The following ARHGAP26 variants were observed in gnomAD, a reference collection of about 807,000 sequenced individuals.
The protein encoded by ARHGAP26 is rho GTPase-activating protein 26.
A neutral mutation model predicts 104.8 loss-of-function variants in ARHGAP26; 38 were observed. The ratio of observed to expected loss-of-function variants is 0.36; its 90% CI spans 0.28 to 0.48. The LOEUF is 0.48. Ranked by LOEUF, ARHGAP26 falls within the 20% of genes least tolerant of loss-of-function variation. ARHGAP26 has a pLI of 0.99. For missense variants in ARHGAP26, 704 were observed against 947.9 expected (o/e 0.74, Z 3.38); for synonymous variants, 341 against 340.0 (o/e 1.00, Z -0.03).
chr5:142,987,682 T>A (rs1442994249), intron 11 of ARHGAP26, among the ~76,000 whole-genome samples: 3 of 152,280 alleles, frequency 2.0e-5, no homozygotes, highest in South Asian at 4.2e-4. Context: ...CAATACCTAG[T>A]TTATTGAGAG....
At chr5:143,003,463 C>G (rs1490011329) in intron 11 of ARHGAP26, among the ~76,000 whole-genome samples, 1 of 152,188 alleles carries the variant, frequency 6.6e-6, no homozygotes, top group African/African-American at 2.4e-5. Flanking sequence ...GGAATAATTT[C>G]TTGGACACTG....
At position 143,043,673 on chromosome 5, in the gene ARHGAP26, A is replaced by G. The variant is rs547257481; in HGVS notation, c.1285+1783A>G. 5.2e-4 allele frequency among the ~76,000 whole-genome samples: 79 copies of G among 152,344 alleles called. 1 individual carries two copies. Among genetic ancestry groups the G allele is most frequent in the African/African-American group, 1.8e-3 (74 of 41,582 alleles). On this transcript the variant is annotated intron_variant, in intron 14 of 22. Transcript: ENST00000645722. ...AATCCTTAGTTTTTCATTTCTGACC[A>G]GAGCTGCAAACATTTGTGGGGTGTC... is the stretch of plus-strand genomic sequence containing the variant.
At chr5:142,968,036 C>A (rs371190222) in intron 11 of ARHGAP26, among the ~76,000 whole-genome samples, 1 of 152,104 alleles carries the variant, frequency 6.6e-6, no homozygotes, top group Admixed American at 6.6e-5. Context: ...GTAACAGATC[C>A]GGAGCAGCTT....
chr5:142,985,523 T>A (rs6888136), intron 11 of ARHGAP26, among the ~76,000 whole-genome samples: 15,332 of 152,098 alleles, frequency 0.1, 1,329 homozygotes, highest in African/African-American at 0.23. Flanking sequence ...TTTTTTTTTT[T>A]AATTTAAGTT....
chr5:142,889,942 C>T (rs1226339850), intron 5 of ARHGAP26, among the ~76,000 whole-genome samples: 1 of 130,000 alleles, frequency 7.7e-6, no homozygotes, highest in Non-Finnish European at 1.5e-5. Context: ...CGAGACCAGC[C>T]TGACCAACGT....
intron 1 of ARHGAP26, among the ~76,000 whole-genome samples, chr5:142,866,366 G>A (rs1418474730): frequency 2.0e-5 from 3 of 152,106 alleles, no homozygotes; most frequent in Non-Finnish European, 1.5e-5. Flanking sequence ...ATGATCTTGG[G>A]CACGTTATTT....
intron 14 of ARHGAP26, among the ~76,000 whole-genome samples, chr5:143,050,979 A>C (rs1344079327): frequency 3.9e-5 from 6 of 152,172 alleles, no homozygotes; most frequent in African/African-American, 1.4e-4. Context: ...TTTGGATCTC[A>C]AAACAGAAGG....
chr5:143,204,687 C>T (rs1478893127), intron 20 of ARHGAP26, among the ~76,000 whole-genome samples: 1 of 152,094 alleles, frequency 6.6e-6, no homozygotes, highest in African/African-American at 2.4e-5. Context: ...ATGTGAAAAA[C>T]ATTTAGAACC....
At chr5:142,989,797 C>T (rs781118264) in intron 11 of ARHGAP26, among the ~76,000 whole-genome samples, 4 of 152,170 alleles carry the variant, frequency 2.6e-5, no homozygotes, top group Non-Finnish European at 5.9e-5. Flanking sequence ...ACTCTTCTGA[C>T]TTGTAGAGTT....
rs1811528357 is a variant in ARHGAP26 at position 143,224,809 on chromosome 5, G to C, written c.*2363G>C. 4.4e-6 allele frequency: 1 copy of C among 227,798 alleles called. No individual in the cohort carries two copies. Among genetic ancestry groups the C allele is most frequent in the Admixed American group, 5.7e-5 (1 of 17,586 alleles). The allele number at this position is 227,798 out of a possible 1,614,324, so 14.1% of individuals were successfully genotyped here. ...CCAAAAGAAGAGGAAGACTCCAGGAGGGGTATAGATTGTGCCGTCATAGCT... is the reference window on the plus strand; with the variant it reads ...CCAAAAGAAGAGGAAGACTCCAGGACGGGTATAGATTGTGCCGTCATAGCT... On this transcript the variant is annotated 3_prime_UTR_variant, in exon 23 of 23. Transcript: ENST00000645722.
chr5:143,185,897 C>G (rs944270251), intron 20 of ARHGAP26, among the ~76,000 whole-genome samples: 5 of 152,194 alleles, frequency 3.3e-5, no homozygotes, highest in African/African-American at 9.7e-5. Context: ...CCTTGCATCC[C>G]CGGTGGGAAG....
At chr5:142,803,478 T>A (rs978596252) in intron 1 of ARHGAP26, among the ~76,000 whole-genome samples, 10 of 152,226 alleles carry the variant, frequency 6.6e-5, no homozygotes, top group African/African-American at 2.2e-4. Flanking sequence ...TTGTTGTTGC[T>A]AATAGAAACC....
At chr5:143,151,857 G>A (rs1799883820) in intron 20 of ARHGAP26, among the ~76,000 whole-genome samples, 1 of 152,178 alleles carries the variant, frequency 6.6e-6, no homozygotes, top group Non-Finnish European at 1.5e-5. Context: ...TCAGGAGGCT[G>A]AGGCAGGAGA....
At chr5:142,894,107 T>G in intron 5 of ARHGAP26, 131 bp from the exon 6 acceptor site, 1 of 637,242 alleles carries the variant, frequency 1.6e-6, no homozygotes, top group Non-Finnish European at 2.8e-6. Flanking sequence ...ATAGTTATTC[T>G]TCTTCTGTGT....
At chr5:143,193,905 G>A (rs901796273) in intron 20 of ARHGAP26, 3 of 152,180 alleles carry the variant, frequency 2.0e-5, no homozygotes, top group African/African-American at 7.2e-5. Flanking sequence ...ACTATCCACG[G>A]TTTCAGGCAT....
chr5:142,956,450 G>A (rs1769252456), intron 11 of ARHGAP26, among the ~76,000 whole-genome samples: 1 of 152,054 alleles, frequency 6.6e-6, no homozygotes, highest in Non-Finnish European at 1.5e-5. Context: ...GGTGGTCCAT[G>A]CCTGTAGTCC....
At chr5:142,838,309 T>C (rs1302988502) in intron 1 of ARHGAP26, among the ~76,000 whole-genome samples, 1 of 151,920 alleles carries the variant, frequency 6.6e-6, no homozygotes, top group Non-Finnish European at 1.5e-5. Flanking sequence ...TCTGTAGTAA[T>C]GTTTGTATGG....
intron 11 of ARHGAP26, among the ~76,000 whole-genome samples, chr5:143,012,564 T>TATATAC (rs1779004200): frequency 2.6e-5 from 2 of 77,764 alleles, no homozygotes; most frequent in Non-Finnish European, 6.2e-5. Flanking sequence ...TATATATATA[T>TATATAC]ATATATATAT....
intron 17 of ARHGAP26, among the ~76,000 whole-genome samples, chr5:143,089,387 C>T (rs933916062): frequency 1.3e-5 from 2 of 152,150 alleles, no homozygotes; most frequent in South Asian, 2.1e-4. Context: ...TTCCATTTAC[C>T]GAACTACTTT....
Sources: allele counts gnomAD v4.1 joint callset (sites outside exome capture counted in the v4.1 genomes callset), GRCh38; gene constraint gnomAD v4.1.1; transcripts MANE v1.5; gene names NCBI Gene and HGNC (gene_info 2026-07-23, HGNC 2026-07-21).